The following COMMD3 variants were observed in gnomAD, a reference collection of about 807,000 sequenced individuals.
COMMD3 encodes the protein COMM domain-containing protein 3.
In COMMD3, 31 loss-of-function variants were observed where a neutral mutation model predicts 31.2. The observed-to-expected ratio is 0.99, with a 90% CI of 0.75 to 1.34. The LOEUF is 1.34. Among genes scored for constraint, COMMD3 ranks in the 40% most tolerant of loss-of-function variants. The probability of loss-of-function intolerance (pLI) is 0.00; values close to 1 mark genes in which losing one functional copy is unlikely to be tolerated. For missense variants in COMMD3, 274 were observed against 236.9 expected, an observed-to-expected ratio of 1.16 and a Z score of -1.03; for synonymous variants, 108 against 87.3, an observed-to-expected ratio of 1.24 and a Z score of -1.32.
chr10:22,318,189 T>G (rs1564346065), intron 3 of COMMD3, 21 bp downstream of exon 3: 5 of 1,601,784 alleles, frequency 3.1e-6, no homozygotes, highest in East Asian at 2.2e-5. Context: ...TTAAAATTTT[T>G]AATTAACAGT....
At position 22,318,167 on chromosome 10, in the gene COMMD3, A is replaced by G; in HGVS notation, c.314A>G (p.Gln105Arg). The G allele has an allele frequency of 3.1e-6, 5 of 1,611,146 alleles. No individual in the cohort carries two copies. The highest frequency in any genetic ancestry group is 4.2e-6 in the Non-Finnish European group (5 of 1,179,288). The change falls in exon 3 of 8, where the codon CAG becomes CGG. Residue 105 changes from glutamine (Q) to arginine (R), a missense_variant and splice_region_variant. Gln to Arg is a conservative substitution (Grantham distance 43, BLOSUM62 1). Transcript: ENST00000376836. ...ATAGAACTGTTTTGCACGGAATATC[A>G]GGTTACTTACTTTAAAATTTTTAAT... ...ERIELFCTEY[Q>R]NNKNSLEILL...
chr10:22,316,880 G>A (rs1190014335), intron 1 of COMMD3: 4 of 187,888 alleles, frequency 2.1e-5, no homozygotes, highest in Non-Finnish European at 3.3e-5. Context: ...AGCCTTGTCT[G>A]AGGCTGCGGC....
Position 22,318,365 on chromosome 10 carries a change from A to G in COMMD3, c.350+59A>G, listed in dbSNP as rs1307463166. 1.9e-6 allele frequency: 3 copies of G among 1,562,094 alleles called. No homozygotes were observed. The African/African-American group carries it at 4.2e-5, about 22-fold the overall frequency. On this transcript the variant is annotated intron_variant, in intron 4 of 7. Coordinates refer to ENST00000376836, the MANE Select transcript of COMMD3 (RefSeq NM_012071.4). ...TTTTCACTTGCAGGTATGAATGGAGAGTGTTGGTGTGAAACAAGATCTTCG... is the reference window on the plus strand; with the variant it reads ...TTTTCACTTGCAGGTATGAATGGAGGGTGTTGGTGTGAAACAAGATCTTCG...
At position 22,320,277 on chromosome 10, in the gene COMMD3, CTGAA is replaced by C; in HGVS notation, c.*281_*284del. On this transcript the variant is annotated 3_prime_UTR_variant, in exon 8 of 8. Transcript: ENST00000376836. ...GAAAGGAAGTAGACAGTATTACACC[CTGAA>C]TAAATAAGGTGTTGTTTTCCACAAA... 1 of 659,370 alleles carries C rather than the reference CTGAA, an allele frequency of 1.5e-6. No individual in the cohort carries two copies. Among genetic ancestry groups the C allele is most frequent in the Non-Finnish European group, 2.3e-6 (1 of 435,360 alleles). 40.8% of individuals were successfully genotyped at this position (659,370 alleles called of 1,614,324 possible).
chr10:22,320,157 G>A lies in COMMD3; in HGVS notation c.*159G>A. On this transcript the variant is annotated 3_prime_UTR_variant, in exon 8 of 8. Transcript: ENST00000376836. ...ATCAATTTTGACACTTTAAAAACGT[G>A]TGAAAGGGTTAAGAGGGAAAGATAC... 2.6e-6 allele frequency: 4 copies of A among 1,532,452 alleles called. No individual in the cohort carries two copies. Among genetic ancestry groups the A allele is most frequent in the Non-Finnish European group, 2.6e-6 (3 of 1,137,002 alleles). 94.9% of individuals were successfully genotyped at this position (1,532,452 alleles called of 1,614,324 possible).
chr10:22,319,887 C>T (rs1039759160), intron 7 of COMMD3, 52 bp from the exon 8 acceptor site: 32 of 1,605,760 alleles, frequency 2.0e-5, no homozygotes, highest in Non-Finnish European at 2.6e-5. Flanking sequence ...AGCTTGGATA[C>T]TTCTTTCCAT....
rs1392674501 is a variant in COMMD3, at chr10:22,318,107, C to G, written c.254C>G (p.Thr85Ser). 3.1e-6 allele frequency: 5 copies of G among 1,612,098 alleles called. No homozygotes were observed. The highest frequency in any genetic ancestry group is 3.4e-6 in the Non-Finnish European group (4 of 1,179,582). Reference sequence around the variant, plus strand: ...GGCTTTTTTTTTCTTTCTTCTAGCACTTATCTAGAAGACTGTAAATTTGAC... The same window carrying G: ...GGCTTTTTTTTTCTTTCTTCTAGCAGTTATCTAGAAGACTGTAAATTTGAC... The part of the protein sequence containing the change: ...KHRADKSTLS[T>S]YLEDCKFDRE... Residue 85 changes from threonine to serine, a missense_variant and splice_region_variant, in exon 3 of 8, where the codon ACT becomes AGT. Transcript: ENST00000376836.
At position 22,318,185 on chromosome 10, in the gene COMMD3, T is replaced by C; in HGVS notation, c.315+17T>C. On this transcript the variant is annotated intron_variant, in intron 3 of 7. Coordinates refer to ENST00000376836, the MANE Select transcript of COMMD3 (RefSeq NM_012071.4). ...GAATATCAGGTTACTTACTTTAAAA[T>C]TTTTAATTAACAGTACTATTTTTCT... The C allele has an allele frequency of 6.2e-7, 1 of 1,604,282 alleles. No homozygotes were observed. Among genetic ancestry groups the C allele is most frequent in the Non-Finnish European group, 8.5e-7 (1 of 1,177,218 alleles).
In COMMD3 at chr10:22,318,106, A is replaced by G. The variant is rs1384269849; in HGVS notation, c.253A>G (p.Thr85Ala). Reference protein sequence around the residue: ...KHRADKSTLSTYLEDCKFDRE... With the variant: ...KHRADKSTLSAYLEDCKFDRE... ...TGGCTTTTTTTTTCTTTCTTCTAGCACTTATCTAGAAGACTGTAAATTTGA... is the reference window on the plus strand; with the variant it reads ...TGGCTTTTTTTTTCTTTCTTCTAGCGCTTATCTAGAAGACTGTAAATTTGA... Residue 85 changes from threonine to alanine, a missense_variant and splice_region_variant, in exon 3 of 8, where the codon ACT becomes GCT. Coordinates refer to ENST00000376836, the MANE Select transcript of COMMD3 (RefSeq NM_012071.4). 1.9e-6 allele frequency: 3 copies of G among 1,612,240 alleles called. No individual in the cohort carries two copies. Among genetic ancestry groups the G allele is most frequent in the African/African-American group, 2.7e-5 (2 of 74,718 alleles).
rs146415183 is a variant in COMMD3 at position 22,316,435 on chromosome 10, T to C, written c.18T>C (p.Ser6=). 87 of 1,547,066 alleles carry C rather than the reference T, an allele frequency of 5.6e-5. No homozygotes were observed. The highest frequency in any genetic ancestry group is 7.6e-5 in the Non-Finnish European group (87 of 1,144,654). Residue 6 remains serine (S), a synonymous_variant, in exon 1 of 8, where the codon TCT becomes TCC. Coordinates refer to ENST00000376836, the MANE Select transcript of COMMD3 (RefSeq NM_012071.4). ...CGCTCACAATGGAGCTCTCGGAGTCTGTGCAGAAAGGCTTCCAGATGCTGG... is the reference window on the plus strand; with the variant it reads ...CGCTCACAATGGAGCTCTCGGAGTCCGTGCAGAAAGGCTTCCAGATGCTGG... MELSE[S]VQKGFQMLAD...
In COMMD3 at chr10:22,320,148, T is replaced by C; in HGVS notation, c.*150T>C. ...ATACCATTCATCAATTTTGACACTTTAAAAACGTGTGAAAGGGTTAAGAGG... is the reference window on the plus strand; with the variant it reads ...ATACCATTCATCAATTTTGACACTTCAAAAACGTGTGAAAGGGTTAAGAGG... On this transcript the variant is annotated 3_prime_UTR_variant, in exon 8 of 8. Coordinates refer to ENST00000376836, the MANE Select transcript of COMMD3 (RefSeq NM_012071.4). 1 of 1,541,506 alleles carries C rather than the reference T, an allele frequency of 6.5e-7. No individual in the cohort carries two copies.
rs769760574 is a variant in COMMD3 at position 22,318,821 on chromosome 10, A to C, written c.427A>C (p.Arg143=). 6.2e-7 allele frequency: 1 copy of C among 1,613,994 alleles called. No individual in the cohort carries two copies. Among genetic ancestry groups the C allele is most frequent in the South Asian group, 1.1e-5 (1 of 91,074 alleles). The change falls in exon 6 of 8, where the codon AGG becomes CGG. Residue 143 remains arginine (R), a synonymous_variant. Coordinates refer to ENST00000376836, the MANE Select transcript of COMMD3 (RefSeq NM_012071.4). ...GTTATTTTAGACCAATCAACTTCAT[A>C]GGATGTACAGACCTGCATATTTGGT... ...EYQIKTNQLH[R]MYRPAYLVTL...
chr10:22,318,629 C>T (rs371993456), intron 4 of COMMD3, 24 bp from the exon 5 acceptor site: 5 of 1,599,054 alleles, frequency 3.1e-6, no homozygotes, highest in Admixed American at 1.7e-5. Flanking sequence ...AGACTATGTA[C>T]GAAGTTATCA....
At chr10:22,318,432 C>A in intron 4 of COMMD3, 126 bp downstream of exon 4, 1 of 1,344,300 alleles carries the variant, frequency 7.4e-7, no homozygotes, top group Non-Finnish European at 1.0e-6. Context: ...GCATGTCAAG[C>A]AATTGAAGTT....
At chr10:22,319,337 G>A in intron 7 of COMMD3, 1 of 232,664 alleles carries the variant, frequency 4.3e-6, no homozygotes, top group East Asian at 9.0e-5. Flanking sequence ...TAAGAGCATG[G>A]CTTTGAAAAT....
intron 7 of COMMD3, 22 bp from the exon 8 acceptor site, chr10:22,319,917 G>T: frequency 6.2e-7 from 1 of 1,613,652 alleles, no homozygotes; most frequent in Non-Finnish European, 8.5e-7. Context: ...TAAAAACGTG[G>T]TATTGTATAC....
intron 1 of COMMD3, chr10:22,317,630 AT>A (rs141169357): frequency 0.022 from 6,671 of 298,858 alleles, 448 homozygotes; most frequent in African/African-American, 0.13. Flanking sequence ...GGGCTATAAT[AT>A]TTTTTAATAG....
intron 4 of COMMD3, 82 bp from the exon 5 acceptor site, chr10:22,318,571 G>A (rs1333110581): frequency 1.2e-5 from 16 of 1,309,494 alleles, no homozygotes; most frequent in Admixed American, 3.6e-5. Context: ...GGGGTGGAAA[G>A]TAGAGCCATT....
chr10:22,320,006 A>G lies in COMMD3; in HGVS notation c.*8A>G. 1 of 1,614,142 alleles carries G rather than the reference A, an allele frequency of 6.2e-7. No individual in the cohort carries two copies. The highest frequency in any genetic ancestry group is 1.7e-5 in the Admixed American group (1 of 60,020). The stretch of plus-strand genomic sequence containing the variant: ...AGAGCAACTCAGTTGTAACTTGGGG[A>G]AGTTAACGATCCGCCCGAGTGCAGA... On this transcript the variant is annotated 3_prime_UTR_variant, in exon 8 of 8. Transcript: ENST00000376836.
Sources: allele counts gnomAD v4.1 joint callset, GRCh38; gene constraint gnomAD v4.1.1; transcripts MANE v1.5; gene names NCBI Gene and HGNC (gene_info 2026-07-23, HGNC 2026-07-21).